The following KYNU variants were observed in gnomAD, a reference collection of about 807,000 sequenced individuals.
KYNU encodes the protein L-kynurenine hydrolase.
KYNU carries 54 observed loss-of-function variants against 59.2 expected under a neutral mutation model. The ratio of observed to expected loss-of-function variants is 0.91; its 90% CI spans 0.73 to 1.14. The LOEUF (loss-of-function observed/expected upper bound fraction) is 1.14. KYNU is among the 50% of genes most tolerant of loss of function. The probability of loss-of-function intolerance (pLI) is 0.00; values close to 1 mark genes in which losing one functional copy is unlikely to be tolerated. For missense variants in KYNU, 567 were observed against 554.4 expected (o/e 1.02, Z -0.23); for synonymous variants, 177 against 192.0 (o/e 0.92, Z 0.65).
chr2:142,889,230 G>A (rs911973635), intron 2 of KYNU, among the ~76,000 whole-genome samples: 3 of 152,150 alleles, frequency 2.0e-5, no homozygotes, highest in African/African-American at 7.2e-5. Context: ...TTTATGCTAA[G>A]TTGAATGAAA....
At chr2:142,931,275 AG>A (rs1466878697) in intron 4 of KYNU, among the ~76,000 whole-genome samples, 1 of 152,150 alleles carries the variant, frequency 6.6e-6, no homozygotes, top group Non-Finnish European at 1.5e-5. Flanking sequence ...AAAAGGGATA[AG>A]GGGCCTCTTT....
At chr2:142,887,958 G>C (rs1227940159) in intron 2 of KYNU, among the ~76,000 whole-genome samples, 1 of 152,250 alleles carries the variant, frequency 6.6e-6, no homozygotes, top group South Asian at 2.1e-4. Flanking sequence ...TTTCCCCTTA[G>C]AGAAAAGCAG....
At chr2:142,918,044 T>A (rs562211280) in intron 2 of KYNU, among the ~76,000 whole-genome samples, 147 of 152,348 alleles carry the variant, frequency 9.6e-4, no homozygotes, top group African/African-American at 3.4e-3. Context: ...TTGATTTATA[T>A]GAATAAGAAG....
At chr2:142,955,632 T>A (rs1365088779) in intron 5 of KYNU, among the ~76,000 whole-genome samples, 1 of 152,062 alleles carries the variant, frequency 6.6e-6, no homozygotes, top group Non-Finnish European at 1.5e-5. Flanking sequence ...TGCATGAGAA[T>A]TAAATGTAAT....
chr2:143,031,453 G>A (rs1036928067), intron 11 of KYNU, among the ~76,000 whole-genome samples: 7 of 152,154 alleles, frequency 4.6e-5, no homozygotes, highest in African/African-American at 4.8e-5. Context: ...GGCCTGGCAC[G>A]AAGACTCACG....
At chr2:142,882,827 T>C (rs1257129164) in intron 1 of KYNU, among the ~76,000 whole-genome samples, 2 of 152,236 alleles carry the variant, frequency 1.3e-5, no homozygotes, top group Non-Finnish European at 2.9e-5. Flanking sequence ...TGATTTATAA[T>C]CCTTTGGGTA....
intron 4 of KYNU, among the ~76,000 whole-genome samples, chr2:142,950,006 C>T (rs966807090): frequency 2.0e-5 from 3 of 152,220 alleles, no homozygotes; most frequent in East Asian, 1.9e-4. Context: ...TTCAAAGTTC[C>T]ATAAATTTCT....
chr2:142,996,139 G>C (rs780953471), intron 10 of KYNU, among the ~76,000 whole-genome samples: 1 of 151,976 alleles, frequency 6.6e-6, no homozygotes, highest in Non-Finnish European at 1.5e-5. Flanking sequence ...CTACCAAACT[G>C]ACCTTACTTT....
rs1687201125 is a variant in KYNU at position 143,048,263 on chromosome 2, C to T, written c.*6091C>T. The T allele has an allele frequency of 6.6e-6, 1 of 152,094 alleles. No individual in the cohort carries two copies. The highest frequency in any genetic ancestry group is 1.5e-5 in the Non-Finnish European group (1 of 68,008). 9.4% of individuals were successfully genotyped at this position (152,094 alleles called of 1,614,324 possible). On this transcript the variant is annotated 3_prime_UTR_variant, in exon 14 of 14. Transcript: ENST00000264170. ...TTTCTATTTGTGTGGAAATTATACA[C>T]TTATTCTTTGTTATTTTAGCAATTA...
rs1687336806 is a variant in KYNU, at chr2:143,055,469, G to A, written c.*13297G>A. ...TTAAGAGCCTTTTTGAGTCTATTGAGGCCAACTGGACAATCAAGGATTATC... is the reference window on the plus strand; with the variant it reads ...TTAAGAGCCTTTTTGAGTCTATTGAAGCCAACTGGACAATCAAGGATTATC... On this transcript the variant is annotated 3_prime_UTR_variant, in exon 14 of 14. Coordinates refer to ENST00000264170, the MANE Select transcript of KYNU (RefSeq NM_003937.3). 6.6e-6 allele frequency: 1 copy of A among 152,006 alleles called. No homozygotes were observed. Among genetic ancestry groups the A allele is most frequent in the South Asian group, 2.1e-4 (1 of 4,820 alleles). The allele number at this position is 152,006 out of a possible 1,614,324, so 9.4% of individuals were successfully genotyped here.
intron 2 of KYNU, among the ~76,000 whole-genome samples, chr2:142,886,818 G>T (rs897204763): frequency 6.6e-6 from 1 of 152,162 alleles, no homozygotes; most frequent in Non-Finnish European, 1.5e-5. Flanking sequence ...TGGTGGCCCT[G>T]CCCTGATGTG....
chr2:142,891,971 G>A (rs1401277648), intron 2 of KYNU, among the ~76,000 whole-genome samples: 2 of 151,706 alleles, frequency 1.3e-5, no homozygotes, highest in African/African-American at 4.8e-5. Context: ...GGAGTGTAGT[G>A]GTGCAATTTT....
chr2:142,884,688 C>CTTT (rs70997529), intron 1 of KYNU, among the ~76,000 whole-genome samples: 3 of 77,050 alleles, frequency 3.9e-5, no homozygotes, highest in Admixed American at 1.9e-4. Context: ...TTCTCTTTTC[C>CTTT]TTTTTTTTTT....
chr2:142,921,252 T>C (rs1206156064), intron 3 of KYNU, among the ~76,000 whole-genome samples: 1 of 152,214 alleles, frequency 6.6e-6, no homozygotes, highest in Non-Finnish European at 1.5e-5. Flanking sequence ...GTATCCTTCC[T>C]AGCTGGAAGC....
chr2:143,008,662 A>G (rs1381845495), intron 10 of KYNU, among the ~76,000 whole-genome samples: 4 of 32,438 alleles, frequency 1.2e-4, no homozygotes, highest in Admixed American at 7.0e-4. Context: ...TTGGAAGTAA[A>G]GCTCTCCTCA....
At chr2:142,906,072 CTCTG>C (rs1293947307) in intron 2 of KYNU, among the ~76,000 whole-genome samples, 1 of 151,906 alleles carries the variant, frequency 6.6e-6, no homozygotes, top group African/African-American at 2.4e-5. Context: ...TTTCTCTCCT[CTCTG>C]TCTCTCTCTC....
chr2:142,985,012 C>G, intron 8 of KYNU, 72 bp from the exon 9 acceptor site: 1 of 931,572 alleles, frequency 1.1e-6, no homozygotes, highest in Non-Finnish European at 1.8e-6. Flanking sequence ...CAAATGTTTT[C>G]TTAAAAATAT....
intron 2 of KYNU, among the ~76,000 whole-genome samples, chr2:142,896,907 G>A (rs1681897381): frequency 6.6e-6 from 1 of 152,158 alleles, no homozygotes; most frequent in Non-Finnish European, 1.5e-5. Flanking sequence ...CAGAACACAA[G>A]ATTTTAACTT....
chr2:142,944,673 TA>T (rs1044569702), intron 4 of KYNU, among the ~76,000 whole-genome samples: 81 of 150,220 alleles, frequency 5.4e-4, no homozygotes, highest in African/African-American at 1.4e-3. Context: ...GGTTAACTTT[TA>T]AAAAAAAAAG....
Sources: gnomAD v4.1 joint callset for allele counts (sites outside exome capture counted in the v4.1 genomes callset) on GRCh38, gnomAD v4.1.1 for gene constraint, MANE v1.5 for transcripts, NCBI Gene and HGNC (gene_info 2026-07-23, HGNC 2026-07-21) for gene names.